CNTN4: variants seen among roughly 807,000 people sequenced by gnomAD.
CNTN4 encodes contactin-4.
CNTN4 carries 77 observed loss-of-function variants against 122.5 expected under a neutral mutation model. The observed-to-expected ratio is 0.63, with a 90% CI of 0.52 to 0.76. The LOEUF (loss-of-function observed/expected upper bound fraction) is 0.76, where lower values mean the gene tolerates loss of function less well. Among genes scored for constraint, CNTN4 ranks in the 30% least tolerant of loss-of-function variants. The pLI is 0.00. For synonymous variants in CNTN4, 512 were observed against 447.0 expected, an observed-to-expected ratio of 1.15 and a Z score of -1.83; for missense variants, 1,256 against 1,259.1, an observed-to-expected ratio of 1.00 and a Z score of 0.04.
chr3:2,335,617 G>T (rs1331244648), intron 2 of CNTN4, among the ~76,000 whole-genome samples: 3 of 149,112 alleles, frequency 2.0e-5, no homozygotes, highest in South Asian at 2.1e-4. Context: ...TTCTTTCAAG[G>T]TATGAAATTG....
chr3:2,695,304 C>T (rs980434805), intron 4 of CNTN4, among the ~76,000 whole-genome samples: 1 of 152,192 alleles, frequency 6.6e-6, no homozygotes, highest in Admixed American at 6.5e-5. Flanking sequence ...CTGCCTCTCT[C>T]TAACATCTTC....
At chr3:2,821,627 A>T (rs956415124) in intron 7 of CNTN4, among the ~76,000 whole-genome samples, 4 of 152,184 alleles carry the variant, frequency 2.6e-5, no homozygotes, top group Non-Finnish European at 4.4e-5. Context: ...ACATGGAGAG[A>T]TGTGTAGGCA....
rs144523280 is a variant in CNTN4 at position 2,794,680 on chromosome 3, A to G, written c.359-24806A>G. ...TCTCTTGAGTCCTTTGAAAACTTACATCTTCCATTCTGTTTAGGCTGCTGT... is the reference window on the plus strand; with the variant it reads ...TCTCTTGAGTCCTTTGAAAACTTACGTCTTCCATTCTGTTTAGGCTGCTGT... On this transcript the variant is annotated intron_variant, in intron 6 of 24. Coordinates refer to ENST00000418658, the MANE Select transcript of CNTN4 (RefSeq NM_175607.3). Among the ~76,000 whole-genome samples, 10 of 152,308 alleles carry G rather than the reference A, an allele frequency of 6.6e-5. No homozygotes were observed. The East Asian group carries it at 1.9e-3, about 29-fold the overall frequency.
chr3:2,194,354 A>G (rs981128017), intron 2 of CNTN4, among the ~76,000 whole-genome samples: 2 of 152,046 alleles, frequency 1.3e-5, no homozygotes, highest in Non-Finnish European at 2.9e-5. Flanking sequence ...CCAGCTCCTC[A>G]GGAAACTGAG....
At chr3:2,296,810 A>C (rs1328559421) in intron 2 of CNTN4, among the ~76,000 whole-genome samples, 1 of 151,294 alleles carries the variant, frequency 6.6e-6, no homozygotes, top group Non-Finnish European at 1.5e-5. Flanking sequence ...ACAACAAAAA[A>C]CTATAATTCC....
chr3:2,177,812 A>T lies in CNTN4; in HGVS notation c.-145+77173A>T, dbSNP rs555418098. ...TGAATTGATTATAGATGTTAATCCT[A>T]TCAACAAAATACTTTCAAAGCAATA... On this transcript the variant is annotated intron_variant, in intron 2 of 24. Coordinates refer to ENST00000418658, the MANE Select transcript of CNTN4 (RefSeq NM_175607.3). Among the ~76,000 whole-genome samples the T allele has an allele frequency of 3.3e-5, 5 of 152,206 alleles. No homozygotes were observed. In the South Asian group the frequency reaches 1.0e-3, roughly 31 times the overall value.
intron 6 of CNTN4, among the ~76,000 whole-genome samples, chr3:2,747,823 C>T (rs1397875333): frequency 1.3e-5 from 2 of 152,158 alleles, no homozygotes; most frequent in East Asian, 1.9e-4. Flanking sequence ...TCACGAGGCA[C>T]CCTGGCCCAC....
intron 21 of CNTN4, 85 bp downstream of exon 21, chr3:3,042,507 A>T: frequency 1.1e-6 from 1 of 877,846 alleles, no homozygotes. Context: ...ATAGGAAGAG[A>T]CCCACATTCC....
intron 6 of CNTN4, among the ~76,000 whole-genome samples, chr3:2,782,570 A>G (rs1330060757): frequency 6.6e-6 from 1 of 151,054 alleles, no homozygotes; most frequent in Non-Finnish European, 1.5e-5. Flanking sequence ...CTTATTAACA[A>G]AGAATTAGCA....
chr3:2,733,595 G>T (rs536261852), intron 4 of CNTN4, among the ~76,000 whole-genome samples: 1 of 143,126 alleles, frequency 7.0e-6, no homozygotes, highest in Non-Finnish European at 1.5e-5. Context: ...GTTCAGTGGT[G>T]TGATCTCGGT....
intron 8 of CNTN4, among the ~76,000 whole-genome samples, chr3:2,873,722 A>G (rs184652452): frequency 6.6e-6 from 1 of 152,286 alleles, no homozygotes; most frequent in Non-Finnish European, 1.5e-5. Flanking sequence ...AGGCCACTTA[A>G]TTAACCTAGT....
chr3:2,636,674 C>G (rs1379987301), intron 4 of CNTN4, among the ~76,000 whole-genome samples: 1 of 151,942 alleles, frequency 6.6e-6, no homozygotes, highest in Non-Finnish European at 1.5e-5. Flanking sequence ...CTTATAAAAC[C>G]CAAACAAAAT....
At chr3:2,907,719 A>G (rs749609615) in intron 12 of CNTN4, among the ~76,000 whole-genome samples, 1 of 152,210 alleles carries the variant, frequency 6.6e-6, no homozygotes, top group Non-Finnish European at 1.5e-5. Context: ...GGTCATGAAT[A>G]AGAGATGGTT....
At chr3:2,587,314 G>T (rs2080246517) in intron 4 of CNTN4, among the ~76,000 whole-genome samples, 1 of 152,154 alleles carries the variant, frequency 6.6e-6, no homozygotes, top group Non-Finnish European at 1.5e-5. Context: ...CAGAAGTATT[G>T]TTTGTTAGGG....
intron 2 of CNTN4, among the ~76,000 whole-genome samples, chr3:2,241,232 T>G (rs2149610369): frequency 6.6e-6 from 1 of 152,344 alleles, no homozygotes; most frequent in African/African-American, 2.4e-5. Context: ...AGTGTACTAC[T>G]AATTAGAAAA....
At chr3:2,428,778 A>G (rs1039729337) in intron 3 of CNTN4, among the ~76,000 whole-genome samples, 8 of 151,426 alleles carry the variant, frequency 5.3e-5, no homozygotes, top group Non-Finnish European at 1.0e-4. Flanking sequence ...GTTTCTTTTT[A>G]CTCTTTTTTC....
chr3:2,244,230 A>G (rs1013792941), intron 2 of CNTN4, among the ~76,000 whole-genome samples: 2 of 150,528 alleles, frequency 1.3e-5, no homozygotes, highest in African/African-American at 5.0e-5. Context: ...ATCTATGTAA[A>G]TGTGGTTTCT....
chr3:2,611,875 A>T (rs1280423723), intron 4 of CNTN4, among the ~76,000 whole-genome samples: 1 of 152,068 alleles, frequency 6.6e-6, no homozygotes, highest in Non-Finnish European at 1.5e-5. Context: ...CACTTTTTTA[A>T]ATGTTGGATG....
chr3:2,154,524 G>T (rs1382247309), intron 2 of CNTN4, among the ~76,000 whole-genome samples: 2 of 152,168 alleles, frequency 1.3e-5, no homozygotes, highest in Non-Finnish European at 2.9e-5. Flanking sequence ...CCTTGTCTGA[G>T]TCTGTGTGCA....
Sources: allele counts gnomAD v4.1 joint callset (sites outside exome capture counted in the v4.1 genomes callset), GRCh38; gene constraint gnomAD v4.1.1; transcripts MANE v1.5; gene names NCBI Gene and HGNC (gene_info 2026-07-23, HGNC 2026-07-21).